Variants in LY86 observed in about 807,000 individuals in gnomAD.
LY86 encodes MD-1, RP105-associated.
In LY86, 20 loss-of-function variants were observed where a neutral mutation model predicts 17.3. The ratio of observed to expected loss-of-function variants is 1.15; its 90% CI spans 0.81 to 1.68. LY86 has a LOEUF of 1.68. Ranked by LOEUF, LY86 falls within the 40% of genes most tolerant of loss-of-function variation. The pLI is 0.00. For missense variants in LY86, 200 were observed against 191.9 expected (o/e 1.04, Z -0.25); for synonymous variants, 74 against 70.6 (o/e 1.05, Z -0.24).
intron 3 of LY86, among the ~76,000 whole-genome samples, chr6:6,636,892 C>CAAAA (rs3842507): frequency 3.0e-5 from 4 of 131,402 alleles, no homozygotes; most frequent in Admixed American, 7.4e-5. Context: ...CCTCGAACTG[C>CAAAA]AAAAAAAAAA....
chr6:6,600,849 C>G (rs953908129), intron 1 of LY86, among the ~76,000 whole-genome samples: 3 of 152,174 alleles, frequency 2.0e-5, no homozygotes, highest in African/African-American at 7.2e-5. Context: ...TGAGGAGCCT[C>G]AAGTCTCCAG....
intron 3 of LY86, among the ~76,000 whole-genome samples, chr6:6,645,214 G>A (rs1337288958): frequency 6.6e-6 from 1 of 152,180 alleles, no homozygotes; most frequent in African/African-American, 2.4e-5. Flanking sequence ...GCTCAAGCAA[G>A]AAGCTCCAAA....
intron 1 of LY86, among the ~76,000 whole-genome samples, chr6:6,612,996 G>C (rs1761427245): frequency 6.6e-6 from 1 of 151,412 alleles, no homozygotes; most frequent in Non-Finnish European, 1.5e-5. Context: ...AACAATCCTT[G>C]AGCTAGATAC....
chr6:6,613,509 C>T (rs995721702), intron 1 of LY86, among the ~76,000 whole-genome samples: 6 of 152,192 alleles, frequency 3.9e-5, no homozygotes, highest in African/African-American at 9.6e-5. Flanking sequence ...CTCCTCACTG[C>T]CCGGGGCTTG....
chr6:6,592,604 T>G (rs180788720), intron 1 of LY86, among the ~76,000 whole-genome samples: 12 of 152,326 alleles, frequency 7.9e-5, no homozygotes, highest in African/African-American at 2.6e-4. Context: ...AATCCCAGTG[T>G]GACAGCATTA....
At chr6:6,608,929 T>C (rs1374345794) in intron 1 of LY86, among the ~76,000 whole-genome samples, 1 of 152,264 alleles carries the variant, frequency 6.6e-6, no homozygotes, top group East Asian at 1.9e-4. Flanking sequence ...TATCTTTCAA[T>C]ATAATTCTTT....
chr6:6,639,628 C>T (rs12206199), intron 3 of LY86, among the ~76,000 whole-genome samples: 49,324 of 151,992 alleles, frequency 0.32, 8,234 homozygotes, highest in Middle Eastern at 0.43. Flanking sequence ...TCCATCTCCA[C>T]CTGGCCTTCT....
At chr6:6,640,487 G>A (rs910082120) in intron 3 of LY86, among the ~76,000 whole-genome samples, 13 of 152,066 alleles carry the variant, frequency 8.5e-5, no homozygotes, top group African/African-American at 1.4e-4. Flanking sequence ...CAGAGGCTGC[G>A]GCAGGGAGGA....
intron 1 of LY86, among the ~76,000 whole-genome samples, chr6:6,605,632 C>T (rs928034746): frequency 6.6e-6 from 1 of 152,248 alleles, no homozygotes; most frequent in African/African-American, 2.4e-5. Flanking sequence ...AGCAACATTC[C>T]AATGTTTTCG....
At chr6:6,648,831 G>A (rs1462450208) in intron 3 of LY86, among the ~76,000 whole-genome samples, 2 of 151,376 alleles carry the variant, frequency 1.3e-5, no homozygotes, top group African/African-American at 4.9e-5. Flanking sequence ...AACTAATCTT[G>A]GGACTTAACC....
chr6:6,614,454 C>T (rs1383093288), intron 1 of LY86, among the ~76,000 whole-genome samples: 2 of 151,860 alleles, frequency 1.3e-5, no homozygotes, highest in African/African-American at 4.8e-5. Flanking sequence ...GCACAGAGCT[C>T]CCGCGAGCCT....
At chr6:6,611,590 G>T (rs1278365267) in intron 1 of LY86, among the ~76,000 whole-genome samples, 1 of 152,218 alleles carries the variant, frequency 6.6e-6, no homozygotes, top group East Asian at 1.9e-4. Flanking sequence ...CAGCTTCCAA[G>T]GCAAAGCGCT....
At position 6,605,854 on chromosome 6, in the gene LY86, G is replaced by A. The variant is rs559864746; in HGVS notation, c.136+16984G>A. On this transcript the variant is annotated intron_variant, in intron 1 of 4. Coordinates refer to ENST00000230568, the MANE Select transcript of LY86 (RefSeq NM_004271.4). Reference sequence around the variant, plus strand: ...TCCCGGTGAATGTTACAGCTCTTAAGGGGGCATCTGGAGCTCTTCGTTTCT... The same window carrying A: ...TCCCGGTGAATGTTACAGCTCTTAAAGGGGCATCTGGAGCTCTTCGTTTCT... Among the ~76,000 whole-genome samples the A allele has an allele frequency of 1.3e-4, 19 of 151,900 alleles. No homozygotes were observed. The East Asian group carries it at 1.9e-3, about 15-fold the overall frequency.
intron 3 of LY86, among the ~76,000 whole-genome samples, chr6:6,631,994 T>C (rs1384418801): frequency 6.6e-6 from 1 of 152,238 alleles, no homozygotes; most frequent in Non-Finnish European, 1.5e-5. Context: ...TGTTAACTTT[T>C]GTGAACCACT....
intron 1 of LY86, among the ~76,000 whole-genome samples, chr6:6,604,437 TTGAAA>T (rs1761030488): frequency 1.3e-5 from 2 of 151,978 alleles, no homozygotes; most frequent in Admixed American, 6.6e-5. Flanking sequence ...CATTTAATTG[TTGAAA>T]TGAAAAAATA....
intron 1 of LY86, among the ~76,000 whole-genome samples, chr6:6,613,385 A>G (rs1241958211): frequency 6.7e-6 from 1 of 148,610 alleles, no homozygotes; most frequent in African/African-American, 2.6e-5. Context: ...GGGAGTGGGG[A>G]GCGGGAGGAG....
chr6:6,628,688 G>A (rs1331344769), intron 3 of LY86, among the ~76,000 whole-genome samples: 1 of 152,110 alleles, frequency 6.6e-6, no homozygotes, highest in African/African-American at 2.4e-5. Context: ...TACGGTTAGT[G>A]TGTGTCCCTC....
At chr6:6,614,615 C>T (rs1761503428) in intron 1 of LY86, among the ~76,000 whole-genome samples, 1 of 152,154 alleles carries the variant, frequency 6.6e-6, no homozygotes, top group African/African-American at 2.4e-5. Context: ...GTCTCATGCT[C>T]CCCATCCTCC....
chr6:6,599,234 T>G (rs1273927903), intron 1 of LY86, among the ~76,000 whole-genome samples: 1 of 152,216 alleles, frequency 6.6e-6, no homozygotes, highest in Non-Finnish European at 1.5e-5. Flanking sequence ...TAGACATGCC[T>G]GCTAAGTAAT....
Sources: gnomAD v4.1 joint callset for allele counts (sites outside exome capture counted in the v4.1 genomes callset) on GRCh38, gnomAD v4.1.1 for gene constraint, MANE v1.5 for transcripts, NCBI Gene and HGNC (gene_info 2026-07-23, HGNC 2026-07-21) for gene names.